The following ZDHHC5 variants were observed in gnomAD, a reference collection of about 807,000 sequenced individuals.
The protein encoded by ZDHHC5 is zDHHC palmitoyltransferase 5.
A neutral mutation model predicts 70.0 loss-of-function variants in ZDHHC5; 22 were observed. That is an observed-to-expected ratio of 0.31 (90% CI 0.22 to 0.45). The LOEUF is 0.45. Among genes scored for constraint, ZDHHC5 ranks in the 20% least tolerant of loss-of-function variants. The pLI, the probability that ZDHHC5 is intolerant of heterozygous loss-of-function variation, is 1.00. For missense variants in ZDHHC5, 746 were observed against 926.9 expected, an observed-to-expected ratio of 0.80 and a Z score of 2.53; for synonymous variants, 313 against 347.8, an observed-to-expected ratio of 0.90 and a Z score of 1.11.
Position 57,700,072 on chromosome 11 carries a change from C to T in ZDHHC5, c.*41C>T. ...CCTCCCCAACGCCTCTGCGCCTACA[C>T]CAAAGGGCCCCAGGTGGCCACCTTC... is the stretch of plus-strand genomic sequence containing the variant. On this transcript the variant is annotated 3_prime_UTR_variant, in exon 12 of 12. Coordinates refer to ENST00000287169, the MANE Select transcript of ZDHHC5 (RefSeq NM_015457.3). 2 of 1,521,314 alleles carry T rather than the reference C, an allele frequency of 1.3e-6. No homozygotes were observed. The highest frequency in any genetic ancestry group is 1.8e-6 in the Non-Finnish European group (2 of 1,137,288). 94.2% of individuals were successfully genotyped at this position (1,521,314 alleles called of 1,614,324 possible).
intron 2 of ZDHHC5, among the ~76,000 whole-genome samples, chr11:57,673,480 C>G (rs1303912384): frequency 1.3e-5 from 2 of 152,146 alleles, no homozygotes; most frequent in Non-Finnish European, 2.9e-5. Flanking sequence ...ATTAGATGAT[C>G]CTAAGCTAGG....
chr11:57,698,317 A>G (rs775659480), intron 10 of ZDHHC5, among the ~76,000 whole-genome samples: 1 of 152,206 alleles, frequency 6.6e-6, no homozygotes. Flanking sequence ...ATCCGAGTTT[A>G]TAACCCAGTT....
At chr11:57,693,749 CTG>C in intron 7 of ZDHHC5, 32 bp from the exon 8 acceptor site, 1 of 1,521,070 alleles carries the variant, frequency 6.6e-7, no homozygotes, top group East Asian at 2.5e-5. Flanking sequence ...AGCTCTCTCG[CTG>C]TGTCTCTCTC....
chr11:57,690,273 G>A, intron 5 of ZDHHC5, 62 bp from the exon 6 acceptor site: 1 of 1,613,244 alleles, frequency 6.2e-7, no homozygotes, highest in East Asian at 2.2e-5. Flanking sequence ...GAAAATGGCT[G>A]CAGTAGGGGC....
chr11:57,687,619 T>C (rs1946223477), intron 3 of ZDHHC5, among the ~76,000 whole-genome samples: 1 of 152,028 alleles, frequency 6.6e-6, no homozygotes, highest in Non-Finnish European at 1.5e-5. Context: ...ATAATGTCTT[T>C]TAAGTTTTGA....
At chr11:57,680,180 G>A (rs1590860144) in intron 2 of ZDHHC5, among the ~76,000 whole-genome samples, 2 of 152,116 alleles carry the variant, frequency 1.3e-5, no homozygotes, top group Non-Finnish European at 2.9e-5. Flanking sequence ...GAGCTCAAGA[G>A]TTGAGTCCAG....
chr11:57,677,855 C>G (rs1394165631), intron 2 of ZDHHC5, among the ~76,000 whole-genome samples: 1 of 99,566 alleles, frequency 1.0e-5, no homozygotes, highest in African/African-American at 2.9e-5. Flanking sequence ...GTGCCTTTTC[C>G]TTCTCACATT....
chr11:57,698,977 G>A lies in ZDHHC5; in HGVS notation c.1541G>A (p.Arg514Lys). Residue 514 changes from arginine to lysine, a missense_variant, in exon 11 of 12, where the codon AGG becomes AAG. Physicochemically the swap from Arg to Lys is conservative, Grantham distance 26. This residue lies in a region of ZDHHC5 where 340 missense variants were observed against 350.1 expected (regional missense o/e 0.97). Transcript: ENST00000287169. ...ARLAQQREAERHPRLVPTGPT... is the reference protein window; with the variant it reads ...ARLAQQREAEKHPRLVPTGPT... ...CTGGCCCAGCAACGGGAAGCTGAGA[G>A]GCACCCACGTTTGGTGCCAACTGGC... 6.2e-7 allele frequency: 1 copy of A among 1,611,818 alleles called. No homozygotes were observed. The highest frequency in any genetic ancestry group is 1.1e-5 in the South Asian group (1 of 91,082).
At position 57,699,345 on chromosome 11, in the gene ZDHHC5, T is replaced by C; in HGVS notation, c.1909T>C (p.Tyr637His). 6.2e-7 allele frequency: 1 copy of C among 1,610,812 alleles called. No individual in the cohort carries two copies. Among genetic ancestry groups the C allele is most frequent in the Non-Finnish European group, 8.5e-7 (1 of 1,178,126 alleles). ...CCCATACCTGGGCCGATCGATGTCT[T>C]ACAGCAGCCAAAAAGCCCAACCTGG... ...TAPYLGRSMS[Y>H]SSQKAQPGVS... Residue 637 changes from tyrosine (Y) to histidine (H), a missense_variant, in exon 11 of 12, where the codon TAC (tyrosine) becomes CAC (histidine). Transcript: ENST00000287169.
chr11:57,679,442 G>A (rs1465389568), intron 2 of ZDHHC5, among the ~76,000 whole-genome samples: 1 of 152,126 alleles, frequency 6.6e-6, no homozygotes, highest in Non-Finnish European at 1.5e-5. Context: ...GGTTACAGGC[G>A]TGAGCCACCA....
chr11:57,694,001 GTTTTTT>G, intron 8 of ZDHHC5, 86 bp downstream of exon 8: 5 of 1,174,140 alleles, frequency 4.3e-6, no homozygotes, highest in East Asian at 3.6e-5. Flanking sequence ...TTTCCTTTGT[GTTTTTT>G]TTTTTTTTTT....
At chr11:57,688,170 A>T (rs1041699372) in intron 3 of ZDHHC5, among the ~76,000 whole-genome samples, 1 of 152,190 alleles carries the variant, frequency 6.6e-6, no homozygotes, top group African/African-American at 2.4e-5. Flanking sequence ...CTCTTATGCA[A>T]ACTCATTATG....
intron 7 of ZDHHC5, among the ~76,000 whole-genome samples, chr11:57,693,415 C>A (rs907967162): frequency 3.6e-4 from 55 of 152,160 alleles, no homozygotes; most frequent in African/African-American, 1.0e-3. Context: ...GCTATGTGGC[C>A]CAGTTCCTAA....
Position 57,699,983 on chromosome 11 carries a change from C to G in ZDHHC5, c.2100C>G (p.Val700=), listed in dbSNP as rs950502134. 1.2e-6 allele frequency: 2 copies of G among 1,611,946 alleles called. No homozygotes were observed. The highest frequency in any genetic ancestry group is 2.7e-5 in the African/African-American group (2 of 74,844). ...PPLSSPTRGG[V]KKVSGVGGTT... is the part of the protein sequence containing the mutation. ...TCAGTAGCCCCACGAGGGGAGGAGT[C>G]AAGAAGGTGTCAGGGGTTGGTGGTA... is the stretch of plus-strand genomic sequence containing the variant. Residue 700 remains valine, a synonymous_variant, in exon 12 of 12, where the codon GTC becomes GTG. Transcript: ENST00000287169.
rs752294339 is a variant in ZDHHC5, at chr11:57,699,395, C to T, written c.1959C>T (p.Ala653=). The T allele has an allele frequency of 1.9e-6, 3 of 1,582,690 alleles. No individual in the cohort carries two copies. Among genetic ancestry groups the T allele is most frequent in the Non-Finnish European group, 2.6e-6 (3 of 1,164,302 alleles). The change falls in exon 11 of 12, where the codon GCC becomes GCT. Residue 653 remains alanine (A), a synonymous_variant. Transcript: ENST00000287169. ...QPGVSETEEV[A]LQPLLTPKDE... is the part of the protein sequence containing the mutation. Reference sequence around the variant, plus strand: ...GTGTCTCTGAGACAGAAGAAGTGGCCTTGCAGCCATTACTGACACCCAAGT... The same window carrying T: ...GTGTCTCTGAGACAGAAGAAGTGGCTTTGCAGCCATTACTGACACCCAAGT...
chr11:57,685,088 C>T (rs138023574), intron 3 of ZDHHC5, among the ~76,000 whole-genome samples: 2,213 of 152,040 alleles, frequency 0.015, 21 homozygotes, highest in Middle Eastern at 0.058. Flanking sequence ...GCAGAGTTTG[C>T]AGTGAGCCGA....
At chr11:57,686,516 A>C (rs1024460564) in intron 3 of ZDHHC5, among the ~76,000 whole-genome samples, 1 of 151,940 alleles carries the variant, frequency 6.6e-6, no homozygotes, top group Non-Finnish European at 1.5e-5. Flanking sequence ...GGGTCTCACC[A>C]TGTTGGCCAA....
rs774972200 is a variant in ZDHHC5 at position 57,698,544 on chromosome 11, T to C, written c.1123-15T>C. On this transcript the variant is annotated splice_polypyrimidine_tract_variant and intron_variant, in intron 10 of 11. Coordinates refer to ENST00000287169, the MANE Select transcript of ZDHHC5 (RefSeq NM_015457.3). ...CAAAAGGAGCACTAAGAGCCTGCTT[T>C]ACTTTCTTCCTCAGTTGAGTCGTGG... 6.3e-7 allele frequency: 1 copy of C among 1,577,350 alleles called. No homozygotes were observed. The highest frequency in any genetic ancestry group is 1.8e-5 in the Admixed American group (1 of 54,268).
At position 57,698,888 on chromosome 11, in the gene ZDHHC5, A is replaced by G; in HGVS notation, c.1452A>G (p.Ser484=). 1.2e-6 allele frequency: 2 copies of G among 1,614,210 alleles called. No homozygotes were observed. Among genetic ancestry groups the G allele is most frequent in the Non-Finnish European group, 1.7e-6 (2 of 1,180,028 alleles). The change falls in exon 11 of 12, where the codon TCA becomes TCG. Residue 484 remains serine (S), a synonymous_variant. Transcript: ENST00000287169. ...CTTCAGACAGCCCTGATTTTGAGTC[A>G]GTGCAGGCAGGGCCTGAGCCAGACC... is the stretch of plus-strand genomic sequence containing the variant. ...LTPSDSPDFE[S]VQAGPEPDPP...
Sources: gnomAD v4.1 joint callset for allele counts (sites outside exome capture counted in the v4.1 genomes callset) on GRCh38, gnomAD v4.1.1 for gene constraint, gnomAD v4.1.1 regional missense constraint, MANE v1.5 for transcripts, NCBI Gene and HGNC (gene_info 2026-07-23, HGNC 2026-07-21) for gene names.